Variants in OLFM4 observed in about 807,000 individuals in gnomAD.
OLFM4 encodes olfactomedin 4.
A neutral mutation model predicts 25.5 loss-of-function variants in OLFM4; 22 were observed. That is an observed-to-expected ratio of 0.86 (90% confidence interval 0.62 to 1.23). The LOEUF (loss-of-function observed/expected upper bound fraction) is 1.23, where lower values mean the gene tolerates loss of function less well. OLFM4 is among the 50% of genes most tolerant of loss of function. The pLI is 0.00. For synonymous variants in OLFM4, 255 were observed against 237.7 expected (o/e 1.07, Z -0.67); for missense variants, 594 against 619.4 (o/e 0.96, Z 0.44).
intron 1 of OLFM4, among the ~76,000 whole-genome samples, chr13:53,031,710 ATCATCT>A (rs1372334644): frequency 1.3e-5 from 2 of 152,248 alleles, no homozygotes; most frequent in African/African-American, 4.8e-5. Context: ...TTGAGTCTTA[ATCATCT>A]CCCTAAAGCC....
rs1954745609 is a variant in OLFM4 at position 53,051,007 on chromosome 13, A to C, written c.*236A>C. 1 of 477,350 alleles carries C rather than the reference A, an allele frequency of 2.1e-6. No homozygotes were observed. Among genetic ancestry groups the C allele is most frequent in the Non-Finnish European group, 3.7e-6 (1 of 273,694 alleles). The allele number at this position is 477,350 out of a possible 1,614,324, so 29.6% of individuals were successfully genotyped here. On this transcript the variant is annotated 3_prime_UTR_variant, in exon 5 of 5. Transcript: ENST00000219022. ...AAAGTCTGTCTAGGGTGGGATTGTCAGAGGTCTAGGGGCACTGTGGGCCTA... is the reference window on the plus strand; with the variant it reads ...AAAGTCTGTCTAGGGTGGGATTGTCCGAGGTCTAGGGGCACTGTGGGCCTA...
chr13:53,033,539 A>T (rs1954639915), intron 1 of OLFM4, among the ~76,000 whole-genome samples: 1 of 152,188 alleles, frequency 6.6e-6, no homozygotes, highest in East Asian at 1.9e-4. Context: ...AGGAAAGAGA[A>T]TGTGACATTT....
At chr13:53,036,235 G>A (rs1954657683) in intron 2 of OLFM4, among the ~76,000 whole-genome samples, 1 of 152,106 alleles carries the variant, frequency 6.6e-6, no homozygotes, top group African/African-American at 2.4e-5. Flanking sequence ...AGTGGAAAAG[G>A]CACAGCATTA....
At chr13:53,042,363 C>T (rs1357059835) in intron 3 of OLFM4, among the ~76,000 whole-genome samples, 1 of 152,094 alleles carries the variant, frequency 6.6e-6, no homozygotes, top group Non-Finnish European at 1.5e-5. Flanking sequence ...AGAATCCTGC[C>T]CCAGAATAAA....
rs1192725688 is a variant in OLFM4 at position 53,034,460 on chromosome 13, C to T, written c.317C>T (p.Ala106Val). 4 of 1,613,590 alleles carry T rather than the reference C, an allele frequency of 2.5e-6. No individual in the cohort carries two copies. The highest frequency in any genetic ancestry group is 3.4e-6 in the Non-Finnish European group (4 of 1,179,878). Residue 106 changes from alanine to valine, a missense_variant, in exon 2 of 5, where the codon GCT becomes GTT. Physicochemically the swap from Ala to Val is moderately conservative, Grantham distance 64. Coordinates refer to ENST00000219022, the MANE Select transcript of OLFM4 (RefSeq NM_006418.5). ...AGAGTGGAACGCTTGGAATTCACAG[C>T]TCATGTTCTTTCTCAGAAGTTTGAG... ...VDRVERLEFT[A>V]HVLSQKFEKE...
At chr13:53,048,267 G>A (rs2138242477) in intron 4 of OLFM4, among the ~76,000 whole-genome samples, 1 of 152,206 alleles carries the variant, frequency 6.6e-6, no homozygotes, top group South Asian at 2.1e-4. Context: ...AAAACACGTT[G>A]CTTTTTTATT....
intron 4 of OLFM4, 22 bp downstream of exon 4, chr13:53,043,286 AC>A (rs1307957758): frequency 5.1e-6 from 8 of 1,575,578 alleles, no homozygotes; most frequent in Non-Finnish European, 6.9e-6. Flanking sequence ...AGTTTTTTTA[AC>A]CACTTGTGCC....
At chr13:53,035,261 A>AT (rs1370765815) in intron 2 of OLFM4, among the ~76,000 whole-genome samples, 1 of 148,280 alleles carries the variant, frequency 6.7e-6, no homozygotes, top group Non-Finnish European at 1.5e-5. Flanking sequence ...AGTCTCTTTT[A>AT]TTTTTTTCTA....
At chr13:53,037,287 A>T (rs1359793446) in intron 2 of OLFM4, among the ~76,000 whole-genome samples, 1 of 152,222 alleles carries the variant, frequency 6.6e-6, no homozygotes, top group African/African-American at 2.4e-5. Context: ...GGGATGGCAC[A>T]AAAGGCAGCT....
chr13:53,030,355 T>G (rs976938310), intron 1 of OLFM4, among the ~76,000 whole-genome samples: 2 of 152,128 alleles, frequency 1.3e-5, no homozygotes, highest in African/African-American at 2.4e-5. Context: ...CAGGCTGGAG[T>G]GCAGTGGCAC....
Position 53,051,936 on chromosome 13 carries a change from A to T in OLFM4, c.*1165A>T, listed in dbSNP as rs956273694. ...TGATGTGCTTCTGTGCTTTTGAATG[A>T]CTTTATCATCTAGTCTTTGTCTATT... On this transcript the variant is annotated 3_prime_UTR_variant, in exon 5 of 5. Coordinates refer to ENST00000219022, the MANE Select transcript of OLFM4 (RefSeq NM_006418.5). 6.6e-6 allele frequency: 1 copy of T among 152,126 alleles called. No homozygotes were observed. The highest frequency in any genetic ancestry group is 2.4e-5 in the African/African-American group (1 of 41,394). 9.4% of individuals were successfully genotyped at this position (152,126 alleles called of 1,614,324 possible).
chr13:53,029,665 T>C (rs1320349091), intron 1 of OLFM4, among the ~76,000 whole-genome samples: 1 of 152,196 alleles, frequency 6.6e-6, no homozygotes, highest in Non-Finnish European at 1.5e-5. Flanking sequence ...TTATTACCAG[T>C]GGACATTCGC....
At chr13:53,045,331 T>G (rs1021618892) in intron 4 of OLFM4, among the ~76,000 whole-genome samples, 1 of 152,158 alleles carries the variant, frequency 6.6e-6, no homozygotes, top group Non-Finnish European at 1.5e-5. Context: ...AGATTTTTAC[T>G]CACTTTCCCA....
Position 53,028,877 on chromosome 13 carries a change from T to A in OLFM4, c.41T>A (p.Phe14Tyr). Residue 14 changes from phenylalanine to tyrosine, a missense_variant, in exon 1 of 5, where the codon TTC (phenylalanine) becomes TAC (tyrosine). Phe to Tyr is a conservative substitution (Grantham distance 22). Transcript: ENST00000219022. ...GLSFLLALLF[F>Y]LGQAAGDLGD... ...TCATTTCTCCTAGCCCTTCTGTTCT[T>A]CCTTGGCCAAGCTGCAGGGGATTTG... is the stretch of plus-strand genomic sequence containing the variant. 1 of 1,614,236 alleles carries A rather than the reference T, an allele frequency of 6.2e-7. No homozygotes were observed. The highest frequency in any genetic ancestry group is 8.5e-7 in the Non-Finnish European group (1 of 1,180,038).
chr13:53,040,023 T>C (rs1444470519), intron 2 of OLFM4, among the ~76,000 whole-genome samples: 2 of 152,194 alleles, frequency 1.3e-5, no homozygotes, highest in Admixed American at 6.5e-5. Context: ...TCTAAATTCA[T>C]CCAGGCACTG....
intron 2 of OLFM4, among the ~76,000 whole-genome samples, chr13:53,036,358 T>C (rs1954658434): frequency 6.6e-6 from 1 of 152,226 alleles, no homozygotes; most frequent in South Asian, 2.1e-4. Context: ...GGTAAAGATC[T>C]TTTCAGTTAG....
At chr13:53,035,682 T>C (rs1954654829) in intron 2 of OLFM4, among the ~76,000 whole-genome samples, 1 of 152,212 alleles carries the variant, frequency 6.6e-6, no homozygotes, top group South Asian at 2.1e-4. Flanking sequence ...TGTCCAATAT[T>C]AGACAAAAAT....
chr13:53,049,107 T>C (rs1253307860), intron 4 of OLFM4, among the ~76,000 whole-genome samples: 1 of 152,126 alleles, frequency 6.6e-6, no homozygotes, highest in Non-Finnish European at 1.5e-5. Flanking sequence ...ATTGTACACA[T>C]TGTGACAATG....
At chr13:53,043,372 T>TTG in intron 4 of OLFM4, 108 bp downstream of exon 4, 1 of 235,322 alleles carries the variant, frequency 4.2e-6, no homozygotes, top group South Asian at 1.5e-4. Context: ...AGGTGGGTTG[T>TTG]TTTTTTTTTT....
Sources: gnomAD v4.1 joint callset for allele counts (sites outside exome capture counted in the v4.1 genomes callset) on GRCh38, gnomAD v4.1.1 for gene constraint, MANE v1.5 for transcripts, NCBI Gene and HGNC (gene_info 2026-07-23, HGNC 2026-07-21) for gene names.